The following DNAJC15 variants were observed in gnomAD, a reference collection of about 807,000 sequenced individuals.
The protein encoded by DNAJC15 is DnaJ heat shock protein family (Hsp40) member C15, also known as dnaJ homolog subfamily C member 15.
DNAJC15 carries 27 observed loss-of-function variants against 22.4 expected under a neutral mutation model. That is an observed-to-expected ratio of 1.20 (90% CI 0.89 to 1.66). The LOEUF is 1.66. DNAJC15 is among the 40% of genes most tolerant of loss of function. The probability of loss-of-function intolerance (pLI) is 0.00; values close to 1 mark genes in which losing one functional copy is unlikely to be tolerated. For synonymous variants in DNAJC15, 79 were observed against 63.2 expected (o/e 1.25, Z -1.19); for missense variants, 208 against 187.1 (o/e 1.11, Z -0.65).
intron 4 of DNAJC15, among the ~76,000 whole-genome samples, chr13:43,082,004 T>C (rs956613629): frequency 2.6e-5 from 4 of 152,002 alleles, no homozygotes; most frequent in African/African-American, 9.7e-5. Context: ...TCAGATCTCA[T>C]GAGACTTAGT....
intron 1 of DNAJC15, among the ~76,000 whole-genome samples, chr13:43,028,399 T>C (rs1190241932): frequency 2.0e-5 from 3 of 152,226 alleles, no homozygotes; most frequent in Non-Finnish European, 2.9e-5. Flanking sequence ...CTTCCCTTGC[T>C]ATTTTCTTAG....
At chr13:43,084,055 C>A (rs1248900866) in intron 4 of DNAJC15, among the ~76,000 whole-genome samples, 1 of 152,118 alleles carries the variant, frequency 6.6e-6, no homozygotes, top group African/African-American at 2.4e-5. Context: ...AGAACAATAG[C>A]AGAATCAAGG....
At chr13:43,051,448 C>G (rs982102137) in intron 1 of DNAJC15, among the ~76,000 whole-genome samples, 3 of 152,178 alleles carry the variant, frequency 2.0e-5, no homozygotes, top group Admixed American at 2.0e-4. Context: ...TGTGAGTCCC[C>G]ACAATCCGTT....
chr13:43,034,876 GT>G (rs1303244291), intron 1 of DNAJC15, among the ~76,000 whole-genome samples: 2 of 152,004 alleles, frequency 1.3e-5, no homozygotes, highest in African/African-American at 4.8e-5. Context: ...TCCTGCCCCA[GT>G]CCCAAAATCA....
At chr13:43,043,210 C>T (rs114965897) in intron 1 of DNAJC15, among the ~76,000 whole-genome samples, 1 of 152,174 alleles carries the variant, frequency 6.6e-6, no homozygotes, top group Non-Finnish European at 1.5e-5. Flanking sequence ...CGGGTTCAAG[C>T]GAGTCTCCCC....
intron 1 of DNAJC15, among the ~76,000 whole-genome samples, chr13:43,059,631 C>T (rs1052468659): frequency 6.6e-6 from 1 of 152,348 alleles, no homozygotes; most frequent in East Asian, 1.9e-4. Context: ...GGAAAACCCA[C>T]GGAATCCCCT....
At chr13:43,056,602 T>C (rs1056172220) in intron 1 of DNAJC15, among the ~76,000 whole-genome samples, 1 of 152,226 alleles carries the variant, frequency 6.6e-6, no homozygotes, top group African/African-American at 2.4e-5. Flanking sequence ...TGATAACCTG[T>C]CTAGTGCTGT....
At chr13:43,074,134 G>A (rs538317787) in intron 3 of DNAJC15, among the ~76,000 whole-genome samples, 156 of 152,182 alleles carry the variant, frequency 1.0e-3, no homozygotes, top group African/African-American at 3.7e-3. Context: ...ACATAATAAA[G>A]TTTATAGTTT....
At chr13:43,071,360 T>C (rs1194801573) in intron 3 of DNAJC15, among the ~76,000 whole-genome samples, 1 of 152,218 alleles carries the variant, frequency 6.6e-6, no homozygotes, top group Non-Finnish European at 1.5e-5. Flanking sequence ...CTTTTCCCTC[T>C]TTGTGGGGCT....
intron 1 of DNAJC15, among the ~76,000 whole-genome samples, chr13:43,033,713 T>C (rs1296097172): frequency 1.3e-5 from 2 of 152,080 alleles, no homozygotes; most frequent in Admixed American, 1.3e-4. Context: ...TTTAGGTTTT[T>C]GGAAGGAAGA....
At chr13:43,059,043 G>A (rs2040544439) in intron 1 of DNAJC15, among the ~76,000 whole-genome samples, 1 of 152,144 alleles carries the variant, frequency 6.6e-6, no homozygotes, top group African/African-American at 2.4e-5. Flanking sequence ...TTCCTGATAT[G>A]TTTCTGGAGT....
chr13:43,085,521 T>A (rs1482429619), intron 4 of DNAJC15, among the ~76,000 whole-genome samples: 3 of 152,176 alleles, frequency 2.0e-5, no homozygotes. Flanking sequence ...CTATATGTTG[T>A]TTTGTTTTTT....
At chr13:43,056,154 T>A (rs1017744389) in intron 1 of DNAJC15, among the ~76,000 whole-genome samples, 5 of 137,126 alleles carry the variant, frequency 3.6e-5, no homozygotes, top group Non-Finnish European at 8.0e-5. Context: ...TGTTTTTTAA[T>A]TTTTTTTTTT....
intron 3 of DNAJC15, among the ~76,000 whole-genome samples, chr13:43,072,005 A>G (rs988141289): frequency 1.3e-5 from 2 of 152,226 alleles, no homozygotes; most frequent in South Asian, 2.1e-4. Flanking sequence ...TGAAGCCAAC[A>G]TTAGAGAAGT....
intron 4 of DNAJC15, 145 bp downstream of exon 4, chr13:43,078,833 C>T (rs1244368593): frequency 5.0e-6 from 3 of 605,938 alleles, no homozygotes; most frequent in Non-Finnish European, 5.1e-6. Flanking sequence ...ATTTTAAAGC[C>T]TCAAATCTAA....
At chr13:43,054,006 A>C (rs1255329903) in intron 1 of DNAJC15, among the ~76,000 whole-genome samples, 2 of 152,178 alleles carry the variant, frequency 1.3e-5, no homozygotes, top group Non-Finnish European at 2.9e-5. Flanking sequence ...CCCAGAAGGA[A>C]TGCTTTCAAC....
chr13:43,077,781 T>C (rs2040641022), intron 3 of DNAJC15, among the ~76,000 whole-genome samples: 1 of 152,208 alleles, frequency 6.6e-6, no homozygotes, highest in African/African-American at 2.4e-5. Flanking sequence ...TTTTTCTTTT[T>C]CTCATATCCC....
intron 1 of DNAJC15, among the ~76,000 whole-genome samples, chr13:43,053,424 TTTC>T (rs1255033651): frequency 2.6e-5 from 4 of 152,244 alleles, no homozygotes; most frequent in Non-Finnish European, 5.9e-5. Context: ...AGGATTGTTT[TTTC>T]TAGCTCTGTA....
intron 1 of DNAJC15, among the ~76,000 whole-genome samples, chr13:43,032,054 C>T (rs2040406278): frequency 2.6e-5 from 4 of 152,144 alleles, no homozygotes; most frequent in Admixed American, 2.6e-4. Flanking sequence ...TTTTCAAAAC[C>T]ACTCTACATT....
Sources: allele counts gnomAD v4.1 joint callset (sites outside exome capture counted in the v4.1 genomes callset), GRCh38; gene constraint gnomAD v4.1.1; transcripts MANE v1.5; gene names NCBI Gene and HGNC (gene_info 2026-07-23, HGNC 2026-07-21).